Variants in HMGCLL1 observed in about 807,000 individuals in gnomAD.
HMGCLL1 encodes 3-hydroxymethyl-3-methylglutaryl-CoA lyase, cytoplasmic.
A neutral mutation model predicts 39.1 loss-of-function variants in HMGCLL1; 36 were observed. The observed-to-expected ratio is 0.92, with a 90% CI of 0.71 to 1.22. HMGCLL1 has a LOEUF of 1.22. Among genes scored for constraint, HMGCLL1 ranks in the 50% most tolerant of loss-of-function variants. HMGCLL1 has a pLI of 0.00. For missense variants in HMGCLL1, 451 were observed against 416.5 expected, an observed-to-expected ratio of 1.08 and a Z score of -0.72; for synonymous variants, 149 against 144.0, an observed-to-expected ratio of 1.03 and a Z score of -0.25.
In HMGCLL1 at chr6:55,503,298, G is replaced by A. The variant is rs192858724; in HGVS notation, c.543-3999C>T. Among the ~76,000 whole-genome samples, 15 of 151,888 alleles carry A rather than the reference G, an allele frequency of 9.9e-5. No homozygotes were observed. In the East Asian group the frequency reaches 2.5e-3, roughly 26 times the overall value. On this transcript the variant is annotated intron_variant, in intron 5 of 8. Transcript: ENST00000274901. ...AATGACTTTGCATTGGCAAAGAGGT[G>A]ATGCCAGACTCCAAGACATAGTTCC...
the HMGCLL1 span, among the ~76,000 whole-genome samples, chr6:55,671,958 T>C: frequency 6.6e-6 from 1 of 151,648 alleles, no homozygotes; most frequent in Non-Finnish European, 1.5e-5. Context: ...AGGGTATGTG[T>C]TTTTAGTGGA....
At chr6:55,576,883 G>C (rs555929926) in intron 1 of HMGCLL1, among the ~76,000 whole-genome samples, 1 of 152,310 alleles carries the variant, frequency 6.6e-6, no homozygotes, top group South Asian at 2.1e-4. Flanking sequence ...GTTTGAGTTT[G>C]AGTTGCTTTT....
chr6:55,673,525 G>A, the HMGCLL1 span, among the ~76,000 whole-genome samples: 2 of 151,968 alleles, frequency 1.3e-5, no homozygotes, highest in Non-Finnish European at 2.9e-5. Context: ...ACACAAGGGC[G>A]AACGAACATG....
chr6:55,619,847 T>C, the HMGCLL1 span, among the ~76,000 whole-genome samples: 1 of 152,082 alleles, frequency 6.6e-6, no homozygotes, highest in Non-Finnish European at 1.5e-5. Flanking sequence ...CCGCCCCCGC[T>C]CCACTACCCA....
chr6:55,619,187 C>T, the HMGCLL1 span, among the ~76,000 whole-genome samples: 8 of 151,950 alleles, frequency 5.3e-5, no homozygotes, highest in Admixed American at 3.3e-4. Context: ...GAATTTGGAA[C>T]ATGTGCAGGG....
the HMGCLL1 span, among the ~76,000 whole-genome samples, chr6:55,651,152 T>C: frequency 1.3e-5 from 2 of 152,106 alleles, no homozygotes; most frequent in African/African-American, 4.8e-5. Flanking sequence ...GTGCTGGGTC[T>C]CCCCTAAAGC....
chr6:55,538,419 C>G (rs1468924809), intron 3 of HMGCLL1, among the ~76,000 whole-genome samples: 1 of 152,012 alleles, frequency 6.6e-6, no homozygotes, highest in Non-Finnish European at 1.5e-5. Context: ...GTATTAAAGA[C>G]AGAAGTAAAT....
At chr6:55,678,146 T>C in the HMGCLL1 span, among the ~76,000 whole-genome samples, 72 of 152,156 alleles carry the variant, frequency 4.7e-4, no homozygotes, top group Non-Finnish European at 9.7e-4. Context: ...TGTTGGCTCT[T>C]ATGGCTGGCA....
chr6:55,609,741 G>A, the HMGCLL1 span, among the ~76,000 whole-genome samples: 1 of 152,186 alleles, frequency 6.6e-6, no homozygotes, highest in Non-Finnish European at 1.5e-5. Context: ...CCCCCAACAG[G>A]GGCTGCCCAA....
chr6:55,626,243 C>T, the HMGCLL1 span, among the ~76,000 whole-genome samples: 2 of 152,156 alleles, frequency 1.3e-5, no homozygotes, highest in Admixed American at 1.3e-4. Flanking sequence ...CCCTATCCTG[C>T]ACACAATGCT....
At chr6:55,443,601 G>T (rs190202902) in intron 7 of HMGCLL1, among the ~76,000 whole-genome samples, 4 of 151,982 alleles carry the variant, frequency 2.6e-5, no homozygotes. Context: ...ATTTACAATA[G>T]AGAAACCAGT....
At chr6:55,608,320 G>A in the HMGCLL1 span, among the ~76,000 whole-genome samples, 1 of 152,166 alleles carries the variant, frequency 6.6e-6, no homozygotes, top group Non-Finnish European at 1.5e-5. Context: ...GACTCTGCCA[G>A]AGACAAATTC....
chr6:55,507,877 C>G (rs977586904), intron 5 of HMGCLL1, among the ~76,000 whole-genome samples: 2 of 151,782 alleles, frequency 1.3e-5, no homozygotes, highest in Non-Finnish European at 2.9e-5. Flanking sequence ...CTACTAGAAA[C>G]CAAACTAATC....
At chr6:55,501,014 A>C (rs1055962523) in intron 5 of HMGCLL1, among the ~76,000 whole-genome samples, 20 of 152,020 alleles carry the variant, frequency 1.3e-4, no homozygotes, top group Admixed American at 7.2e-4. Flanking sequence ...CACAGCTACC[A>C]CTTTATTGAC....
At chr6:55,560,658 G>T (rs984139963) in intron 1 of HMGCLL1, among the ~76,000 whole-genome samples, 4 of 151,972 alleles carry the variant, frequency 2.6e-5, no homozygotes, top group Admixed American at 6.6e-5. Context: ...TTTCCTTCCA[G>T]ATGCTGCTGT....
intron 3 of HMGCLL1, among the ~76,000 whole-genome samples, chr6:55,534,913 C>G (rs1375519578): frequency 6.6e-6 from 1 of 152,158 alleles, no homozygotes; most frequent in Non-Finnish European, 1.5e-5. Context: ...ATATTTCCCA[C>G]AAGCTGCATA....
At chr6:55,554,520 A>T (rs1049274023) in intron 1 of HMGCLL1, among the ~76,000 whole-genome samples, 1 of 152,142 alleles carries the variant, frequency 6.6e-6, no homozygotes, top group Non-Finnish European at 1.5e-5. Context: ...CTTGGGGTAC[A>T]TTAGTGATTC....
chr6:55,617,443 T>C, the HMGCLL1 span, among the ~76,000 whole-genome samples: 1 of 152,088 alleles, frequency 6.6e-6, no homozygotes, highest in South Asian at 2.1e-4. Flanking sequence ...AACCAACCTA[T>C]AGACCACTTT....
At chr6:55,475,793 AT>A (rs1048886162) in intron 7 of HMGCLL1, among the ~76,000 whole-genome samples, 8 of 150,952 alleles carry the variant, frequency 5.3e-5, no homozygotes, top group South Asian at 2.1e-4. Flanking sequence ...CAAGATTAAG[AT>A]TTTTTTTTCT....
Sources: gnomAD v4.1 joint callset for allele counts (sites outside exome capture counted in the v4.1 genomes callset) on GRCh38, gnomAD v4.1.1 for gene constraint, MANE v1.5 for transcripts, NCBI Gene and HGNC (gene_info 2026-07-23, HGNC 2026-07-21) for gene names.